DENND1A: variants seen among roughly 807,000 people sequenced by gnomAD.
DENND1A encodes the protein DENN domain-containing protein 1A.
Under a neutral mutation model 113.7 loss-of-function variants are expected in DENND1A, and 51 were observed. The observed-to-expected ratio is 0.45, with a 90% confidence interval of 0.36 to 0.57. The LOEUF (loss-of-function observed/expected upper bound fraction) is 0.57, where lower values mean the gene tolerates loss of function less well. Among genes scored for constraint, DENND1A ranks in the 20% least tolerant of loss-of-function variants. DENND1A has a pLI of 0.00. For synonymous variants in DENND1A, 565 were observed against 570.8 expected, an observed-to-expected ratio of 0.99 and a Z score of 0.14; for missense variants, 1,258 against 1,395.9, an observed-to-expected ratio of 0.90 and a Z score of 1.57.
At chr9:123,409,254 T>C (rs929018651) in intron 20 of DENND1A, among the ~76,000 whole-genome samples, 2 of 152,086 alleles carry the variant, frequency 1.3e-5, no homozygotes, top group African/African-American at 4.8e-5. Context: ...CCACAGACAG[T>C]TCAGCTGCTA....
chr9:123,629,206 C>T (rs187645897), intron 10 of DENND1A, among the ~76,000 whole-genome samples: 64 of 152,304 alleles, frequency 4.2e-4, no homozygotes, highest in Admixed American at 7.2e-4. Context: ...GGTCAGTGTC[C>T]CGTGTCATCT....
chr9:123,469,686 A>G (rs888410989), intron 13 of DENND1A, among the ~76,000 whole-genome samples: 1 of 152,246 alleles, frequency 6.6e-6, no homozygotes, highest in African/African-American at 2.4e-5. Flanking sequence ...CTCTAAGAGG[A>G]AAGCAGGTGC....
chr9:123,893,733 G>C (rs1003463476), intron 1 of DENND1A, among the ~76,000 whole-genome samples: 1 of 152,214 alleles, frequency 6.6e-6, no homozygotes, highest in Non-Finnish European at 1.5e-5. Flanking sequence ...CTTGCCCAAA[G>C]ACAAATATCT....
At chr9:123,714,535 G>C (rs1218415166) in intron 5 of DENND1A, among the ~76,000 whole-genome samples, 1 of 152,170 alleles carries the variant, frequency 6.6e-6, no homozygotes, top group African/African-American at 2.4e-5. Flanking sequence ...CCAGGAGGCA[G>C]AGATTGCAGT....
intron 13 of DENND1A, among the ~76,000 whole-genome samples, chr9:123,471,325 C>A (rs530062015): frequency 6.6e-6 from 1 of 152,282 alleles, no homozygotes; most frequent in African/African-American, 2.4e-5. Context: ...TCCTACTTCA[C>A]AGGGCTGTGT....
chr9:123,805,325 T>C (rs572500771), intron 2 of DENND1A, among the ~76,000 whole-genome samples: 1 of 152,338 alleles, frequency 6.6e-6, no homozygotes, highest in East Asian at 1.9e-4. Context: ...TTTTCAGATT[T>C]TGTAATATTT....
At chr9:123,921,034 T>C (rs917718410) in intron 1 of DENND1A, among the ~76,000 whole-genome samples, 3 of 152,166 alleles carry the variant, frequency 2.0e-5, no homozygotes, top group Non-Finnish European at 2.9e-5. Flanking sequence ...TGAAATACAC[T>C]ACACGTCATC....
chr9:123,861,146 C>A (rs1287766582), intron 2 of DENND1A, among the ~76,000 whole-genome samples: 1 of 152,152 alleles, frequency 6.6e-6, no homozygotes, highest in East Asian at 1.9e-4. Flanking sequence ...CCCCCAACCC[C>A]CTTCCAGGAT....
chr9:123,708,344 G>A (rs2066364284), intron 5 of DENND1A, among the ~76,000 whole-genome samples: 1 of 152,106 alleles, frequency 6.6e-6, no homozygotes. Context: ...ATTCTGGATA[G>A]AGGACTGGAA....
chr9:123,624,270 C>G (rs1292107187), intron 10 of DENND1A, among the ~76,000 whole-genome samples: 1 of 152,216 alleles, frequency 6.6e-6, no homozygotes, highest in Non-Finnish European at 1.5e-5. Flanking sequence ...CTAGTTATCC[C>G]TGCTGGCTCT....
At chr9:123,776,094 C>A (rs1462816614) in intron 3 of DENND1A, among the ~76,000 whole-genome samples, 1 of 152,180 alleles carries the variant, frequency 6.6e-6, no homozygotes, top group African/African-American at 2.4e-5. Flanking sequence ...TGCCACCCCA[C>A]AAAATCCATT....
At chr9:123,383,185 C>T (rs550091401) in intron 23 of DENND1A, among the ~76,000 whole-genome samples, 6 of 152,350 alleles carry the variant, frequency 3.9e-5, no homozygotes, top group African/African-American at 1.4e-4. Flanking sequence ...GAAGACCCCA[C>T]TTGCAAGTGA....
chr9:123,386,697 C>T (rs533921407), intron 22 of DENND1A, among the ~76,000 whole-genome samples: 10 of 152,324 alleles, frequency 6.6e-5, no homozygotes, highest in African/African-American at 2.4e-4. Flanking sequence ...CCACTACTTT[C>T]TAAGTGAGGA....
intron 2 of DENND1A, among the ~76,000 whole-genome samples, chr9:123,862,346 A>G (rs1005567736): frequency 6.6e-6 from 1 of 152,222 alleles, no homozygotes; most frequent in African/African-American, 2.4e-5. Context: ...GTCTAACAAG[A>G]TATGAGAGCA....
intron 5 of DENND1A, among the ~76,000 whole-genome samples, chr9:123,711,814 T>C (rs2066654631): frequency 6.6e-6 from 1 of 152,086 alleles, no homozygotes; most frequent in Non-Finnish European, 1.5e-5. Context: ...TTCTTATCCT[T>C]GGTGTTCATT....
chr9:123,383,611 C>A, intron 23 of DENND1A, 44 bp downstream of exon 23: 2 of 1,584,350 alleles, frequency 1.3e-6, no homozygotes, highest in Middle Eastern at 1.8e-4. Context: ...CGTGTGCGGA[C>A]AGTGCCGGCC....
At chr9:123,452,452 G>A in intron 16 of DENND1A, 105 bp from the exon 17 acceptor site, 1 of 911,312 alleles carries the variant, frequency 1.1e-6, no homozygotes, top group Non-Finnish European at 1.8e-6. Flanking sequence ...TCAAAGGTAT[G>A]TAAATGCACA....
At chr9:123,574,490 A>G (rs2058530221) in intron 12 of DENND1A, among the ~76,000 whole-genome samples, 1 of 152,208 alleles carries the variant, frequency 6.6e-6, no homozygotes, top group Admixed American at 6.5e-5. Context: ...TCAAAATTGT[A>G]AAGTTATTCA....
At chr9:123,839,258 G>A (rs1841482170) in intron 2 of DENND1A, among the ~76,000 whole-genome samples, 1 of 152,156 alleles carries the variant, frequency 6.6e-6, no homozygotes, top group Non-Finnish European at 1.5e-5. Context: ...ATGACTTTCC[G>A]GTTCCAATTG....
Sources: gnomAD v4.1 joint callset for allele counts (sites outside exome capture counted in the v4.1 genomes callset) on GRCh38, gnomAD v4.1.1 for gene constraint, MANE v1.5 for transcripts, NCBI Gene and HGNC (gene_info 2026-07-23, HGNC 2026-07-21) for gene names.